Variants in AOX1 observed in about 807,000 individuals in gnomAD.
AOX1 encodes the protein aldehyde oxidase.
A neutral mutation model predicts 169.5 loss-of-function variants in AOX1; 153 were observed. That is an observed-to-expected ratio of 0.90 (90% CI 0.79 to 1.03). The LOEUF (loss-of-function observed/expected upper bound fraction) is 1.03. AOX1 is among the 50% of genes least tolerant of loss of function. The pLI is 0.00. For missense variants in AOX1, 1,656 were observed against 1,663.9 expected (o/e 1.00, Z 0.08); for synonymous variants, 562 against 581.9 (o/e 0.97, Z 0.49).
At chr2:200,651,897 C>T (rs773666637) in intron 26 of AOX1, among the ~76,000 whole-genome samples, 1 of 152,252 alleles carries the variant, frequency 6.6e-6, no homozygotes, top group South Asian at 2.1e-4. Context: ...CTGCAACATT[C>T]TAGCTCATTG....
At chr2:200,605,464 A>T in intron 9 of AOX1, 72 bp from the exon 10 acceptor site, 1 of 644,398 alleles carries the variant, frequency 1.6e-6, no homozygotes, top group Admixed American at 2.9e-5. Flanking sequence ...TTTAATAATA[A>T]TTTCAAATTT....
downstream of AOX1, among the ~76,000 whole-genome samples, chr2:200,673,808 A>C (rs548059109): frequency 6.6e-6 from 1 of 152,230 alleles, no homozygotes; most frequent in African/African-American, 2.4e-5. Flanking sequence ...GCGTTGGCTC[A>C]TGTTCCCTTC....
intron 10 of AOX1, among the ~76,000 whole-genome samples, chr2:200,606,485 T>C (rs1037123206): frequency 2.0e-5 from 3 of 152,222 alleles, no homozygotes; most frequent in African/African-American, 7.2e-5. Context: ...TGGTTCCTTA[T>C]GAAATTTAAA....
intron 20 of AOX1, among the ~76,000 whole-genome samples, chr2:200,634,441 T>C (rs1224972047): frequency 6.6e-6 from 1 of 152,168 alleles, no homozygotes; most frequent in Admixed American, 6.6e-5. Flanking sequence ...CTACTCCTGC[T>C]GGTCCTAGAG....
In AOX1 at chr2:200,621,109, A is replaced by G. The variant is rs1044520208; in HGVS notation, c.1875-11A>G. 4 of 1,610,032 alleles carry G rather than the reference A, an allele frequency of 2.5e-6. No homozygotes were observed. The South Asian group carries it at 3.3e-5, about 13-fold the overall frequency. ...GCCACTCTAAGGAGCTCTGCTGTGTATATCATCTAGGTCTATTGATCTGTC... is the reference window on the plus strand; with the variant it reads ...GCCACTCTAAGGAGCTCTGCTGTGTGTATCATCTAGGTCTATTGATCTGTC... On this transcript the variant is annotated splice_polypyrimidine_tract_variant and intron_variant, in intron 17 of 34. Transcript: ENST00000374700.
intron 1 of AOX1, among the ~76,000 whole-genome samples, chr2:200,587,138 CA>C (rs370741447): frequency 6.7e-6 from 1 of 150,278 alleles, no homozygotes; most frequent in African/African-American, 2.4e-5. Flanking sequence ...ACAACAACAA[CA>C]AAAAAAAACC....
chr2:200,604,607 C>A, intron 8 of AOX1, 89 bp from the exon 9 acceptor site: 1 of 1,341,086 alleles, frequency 7.5e-7, no homozygotes, highest in South Asian at 1.3e-5. Context: ...TGTATTTTCT[C>A]ATTCTGTATC....
At chr2:200,594,521 C>T (rs1262087257) in intron 2 of AOX1, among the ~76,000 whole-genome samples, 1 of 152,172 alleles carries the variant, frequency 6.6e-6, no homozygotes, top group African/African-American at 2.4e-5. Flanking sequence ...ACAGCTTTCT[C>T]CCCACCATCA....
chr2:200,596,699 A>T (rs909786694), intron 3 of AOX1, among the ~76,000 whole-genome samples: 1 of 152,190 alleles, frequency 6.6e-6, no homozygotes, highest in Non-Finnish European at 1.5e-5. Context: ...GAATAATTGT[A>T]TCTCAGGGAT....
chr2:200,594,441 T>C (rs2463488), intron 2 of AOX1, among the ~76,000 whole-genome samples: 32,279 of 152,004 alleles, frequency 0.21, 3,676 homozygotes, highest in East Asian at 0.44. Flanking sequence ...AGCCCACAGG[T>C]AGGTGGATCA....
Position 200,604,782 on chromosome 2 carries a change from G to T in AOX1, c.756G>T (p.Leu252=), listed in dbSNP as rs761657118. The T allele has an allele frequency of 9.9e-6, 16 of 1,613,850 alleles. No homozygotes were observed. In the South Asian group the frequency reaches 1.4e-4, roughly 14 times the overall value. ...TTTCCCCCGTGACCCTGAAGGAACT[G>T]CTGGAATTTAAATTCAAGTATCCCC... The part of the protein sequence containing the change: ...MWFSPVTLKE[L]LEFKFKYPQA... The change falls in exon 9 of 35, where the codon CTG becomes CTT. Residue 252 remains leucine, a synonymous_variant. Coordinates refer to ENST00000374700, the MANE Select transcript of AOX1 (RefSeq NM_001159.4).
rs1490291589 is a variant in AOX1 at position 200,666,745 on chromosome 2, T to C, written c.3602T>C (p.Ile1201Thr). 2 of 1,611,090 alleles carry C rather than the reference T, an allele frequency of 1.2e-6. No homozygotes were observed. The highest frequency in any genetic ancestry group is 2.2e-5 in the South Asian group (2 of 90,414). Residue 1201 changes from isoleucine to threonine, a missense_variant, in exon 32 of 35, where the codon ATA becomes ACA. Physicochemically the swap from Ile to Thr is moderately conservative, Grantham distance 89. Transcript: ENST00000374700. ...TGCAGTATAAATCCAGCCATTGACA[T>C]AGGCCAGGTACGTGTAACTGATGTG... is the stretch of plus-strand genomic sequence containing the variant. Reference protein sequence around the residue: ...VGCSINPAIDIGQIEGAFIQG... With the variant: ...VGCSINPAIDTGQIEGAFIQG...
intron 20 of AOX1, among the ~76,000 whole-genome samples, chr2:200,633,816 T>C (rs1000580806): frequency 6.6e-6 from 1 of 152,242 alleles, no homozygotes; most frequent in African/African-American, 2.4e-5. Flanking sequence ...TAGATCTTAT[T>C]TGAATCTTCT....
At chr2:200,602,147 G>C in intron 5 of AOX1, 137 bp from the exon 6 acceptor site, 1 of 622,350 alleles carries the variant, frequency 1.6e-6, no homozygotes, top group South Asian at 2.3e-5. Flanking sequence ...GAAAAGATCT[G>C]ACTTTGTAGA....
downstream of AOX1, among the ~76,000 whole-genome samples, chr2:200,673,042 C>T (rs773722084): frequency 8.5e-5 from 13 of 152,196 alleles, no homozygotes; most frequent in Non-Finnish European, 1.6e-4. Context: ...CATGGACTTG[C>T]TTCTGTTGCA....
downstream of AOX1, among the ~76,000 whole-genome samples, chr2:200,679,802 T>G (rs1024971193): frequency 2.0e-5 from 3 of 152,096 alleles, no homozygotes; most frequent in South Asian, 6.2e-4. Flanking sequence ...AGAAAAAGGA[T>G]TGGGCACAGT....
chr2:200,599,713 C>A lies in AOX1; in HGVS notation c.403C>A (p.Pro135Thr), dbSNP rs749791927. 2.5e-6 allele frequency: 4 copies of A among 1,609,694 alleles called. No homozygotes were observed. Among genetic ancestry groups the A allele is most frequent in the Admixed American group, 3.3e-5 (2 of 59,752 alleles). ...IYTLLRNHPEPTLDQLTDALG... is the reference protein window; with the variant it reads ...IYTLLRNHPETTLDQLTDALG... Reference sequence around the variant, plus strand: ...CACGCTGCTCAGGAACCACCCAGAGCCCACTCTGGATCAGTTAACTGATGC... The same window carrying A: ...CACGCTGCTCAGGAACCACCCAGAGACCACTCTGGATCAGTTAACTGATGC... The change falls in exon 5 of 35, where the codon CCC (proline) becomes ACC (threonine). Residue 135 changes from proline (P) to threonine (T), a missense_variant. Physicochemically the swap from Pro to Thr is conservative, Grantham distance 38. Coordinates refer to ENST00000374700, the MANE Select transcript of AOX1 (RefSeq NM_001159.4).
Position 200,676,619 on chromosome 2 carries a change from A to AGAG in AOX1, c.487-257_487-256insGGA, listed in dbSNP as rs1436018901. ...CATCTCAAAAAAAAAAAAAAAAAGAAGAAGAAGAAGAAGAAGAAGATAGCT... is the reference window on the plus strand; with the variant it reads ...CATCTCAAAAAAAAAAAAAAAAAGAAGAGGAAGAAGAAGAAGAAGAAGATAGCT... On this transcript the variant is annotated intron_variant, in intron 4 of 4. Transcript: ENST00000439380. Among the ~76,000 whole-genome samples the AGAG allele has an allele frequency of 2.0e-5, 3 of 150,378 alleles. No individual in the cohort carries two copies. In the East Asian group the frequency reaches 5.8e-4, roughly 29 times the overall value.
chr2:200,674,575 G>A (rs2036071445), downstream of AOX1, among the ~76,000 whole-genome samples: 1 of 152,182 alleles, frequency 6.6e-6, no homozygotes, highest in Non-Finnish European at 1.5e-5. Context: ...CAATTAAGTG[G>A]ACCAAATGAG....
Sources: allele counts gnomAD v4.1 joint callset (sites outside exome capture counted in the v4.1 genomes callset), GRCh38; gene constraint gnomAD v4.1.1; transcripts MANE v1.5; gene names NCBI Gene and HGNC (gene_info 2026-07-23, HGNC 2026-07-21).